Variants in SCARA5 observed in about 807,000 individuals in gnomAD.
The protein encoded by SCARA5 is scavenger receptor class A member 5, also known as scavenger receptor class A, member 5 (putative).
A neutral mutation model predicts 46.3 loss-of-function variants in SCARA5; 45 were observed. The ratio of observed to expected loss-of-function variants is 0.97; its 90% CI spans 0.76 to 1.24. SCARA5 has a LOEUF of 1.24. Among genes scored for constraint, SCARA5 ranks in the 50% most tolerant of loss-of-function variants. The probability of loss-of-function intolerance (pLI) is 0.00; values close to 1 mark genes in which losing one functional copy is unlikely to be tolerated. For synonymous variants in SCARA5, 333 were observed against 306.5 expected (o/e 1.09, Z -0.90); for missense variants, 680 against 689.0 (o/e 0.99, Z 0.15).
chr8:27,966,932 C>G (rs1351383577), intron 2 of SCARA5, among the ~76,000 whole-genome samples: 2 of 152,202 alleles, frequency 1.3e-5, no homozygotes, highest in Non-Finnish European at 2.9e-5. Flanking sequence ...GTTGCAAACT[C>G]AAACTTCTAC....
At chr8:27,889,911 A>G (rs1806955484) in intron 7 of SCARA5, among the ~76,000 whole-genome samples, 1 of 152,210 alleles carries the variant, frequency 6.6e-6, no homozygotes, top group South Asian at 2.1e-4. Context: ...GTGCACAGAT[A>G]TGCAGCACTA....
rs757727537 is a variant in SCARA5 at position 27,921,857 on chromosome 8, C to T, written c.630G>A (p.Ala210=). ...RRHAGLLDGL[A]RRVGILGEEL... ...CCTCGCCCAGGATGCCCACCCTGCG[C>T]GCCAGCCCGTCCAGCAGGCCCGCGT... Residue 210 remains alanine (A), a synonymous_variant, in exon 4 of 9, where the codon GCG becomes GCA. Transcript: ENST00000354914. The T allele has an allele frequency of 1.2e-5, 18 of 1,521,392 alleles. No individual in the cohort carries two copies. The highest frequency in any genetic ancestry group is 3.8e-5 in the South Asian group (3 of 78,878). The allele number at this position is 1,521,392 out of a possible 1,614,324, so 94.2% of individuals were successfully genotyped here.
intron 2 of SCARA5, among the ~76,000 whole-genome samples, chr8:27,970,337 A>C (rs371244724): frequency 6.6e-6 from 1 of 152,308 alleles, no homozygotes; most frequent in Admixed American, 6.5e-5. Flanking sequence ...CAGACACCAG[A>C]CCAACCTGAG....
At chr8:27,977,355 A>T (rs1017561327) in intron 2 of SCARA5, among the ~76,000 whole-genome samples, 6 of 152,082 alleles carry the variant, frequency 3.9e-5, no homozygotes, top group Non-Finnish European at 7.4e-5. Flanking sequence ...AATCCCAAAC[A>T]GCTGTGTTTA....
intron 8 of SCARA5, among the ~76,000 whole-genome samples, chr8:27,876,264 G>C (rs1167798524): frequency 6.6e-6 from 1 of 152,192 alleles, no homozygotes; most frequent in Non-Finnish European, 1.5e-5. Context: ...ATCTAGTCAA[G>C]GTCTCCAGCT....
chr8:27,956,086 C>T (rs76972447), intron 3 of SCARA5, among the ~76,000 whole-genome samples: 9,156 of 152,064 alleles, frequency 0.06, 388 homozygotes, highest in East Asian at 0.19. Flanking sequence ...GGAATTCTGG[C>T]GAAGACAGAG....
At chr8:27,933,916 T>A (rs1453745612) in intron 3 of SCARA5, among the ~76,000 whole-genome samples, 1 of 152,106 alleles carries the variant, frequency 6.6e-6, no homozygotes, top group Non-Finnish European at 1.5e-5. Context: ...ACCCAGAAAT[T>A]GAATTGTAAG....
chr8:27,959,372 C>T (rs1416917238), intron 3 of SCARA5, among the ~76,000 whole-genome samples: 1 of 152,202 alleles, frequency 6.6e-6, no homozygotes, highest in Non-Finnish European at 1.5e-5. Flanking sequence ...ACACCTGGAG[C>T]CTGTTGGGAG....
rs1452555919 is a variant in SCARA5 at position 27,871,233 on chromosome 8, G to A, written c.*701C>T. 1 of 160,046 alleles carries A rather than the reference G, an allele frequency of 6.2e-6. No homozygotes were observed. The highest frequency in any genetic ancestry group is 2.4e-5 in the African/African-American group (1 of 41,548). The allele number at this position is 160,046 out of a possible 1,614,324, so 9.9% of individuals were successfully genotyped here. A position where few individuals can be genotyped will look rare whatever the true frequency, so the allele number is the denominator to read the frequency against. ...GCTGTATCCAGACTGACATGCCCTG[G>A]ACCAATGCAGCTAAGTGGATACATG... On this transcript the variant is annotated 3_prime_UTR_variant, in exon 9 of 9. Transcript: ENST00000354914.
At position 27,950,069 on chromosome 8, in the gene SCARA5, G is replaced by A. The variant is rs1206201178; in HGVS notation, c.241+16345C>T. Among the ~76,000 whole-genome samples, 6 of 152,316 alleles carry A rather than the reference G, an allele frequency of 3.9e-5. No individual in the cohort carries two copies. In the Middle Eastern group the frequency reaches 0.01, roughly 259 times the overall value. ...CTCCTTGTGGTGAGAAAGGGGCTGA[G>A]AGCCTGGAAACGCTGGGGGAATGCC... is the stretch of plus-strand genomic sequence containing the variant. On this transcript the variant is annotated intron_variant, in intron 3 of 8. Transcript: ENST00000354914.
At chr8:27,930,953 C>G (rs925535943) in intron 3 of SCARA5, among the ~76,000 whole-genome samples, 1 of 152,112 alleles carries the variant, frequency 6.6e-6, no homozygotes, top group South Asian at 2.1e-4. Flanking sequence ...TGGGACGGAA[C>G]GCCACTGCAC....
intron 2 of SCARA5, among the ~76,000 whole-genome samples, chr8:27,980,392 C>T (rs1049753779): frequency 8.5e-5 from 13 of 152,186 alleles, no homozygotes; most frequent in African/African-American, 3.1e-4. Context: ...TCACTGCGGG[C>T]CTCCTTCAAG....
chr8:27,989,393 G>A (rs937699101), intron 1 of SCARA5, among the ~76,000 whole-genome samples: 3 of 152,096 alleles, frequency 2.0e-5, no homozygotes, highest in Non-Finnish European at 4.4e-5. Context: ...CTCCCAAAGT[G>A]CTGAGATTAC....
rs17058374 is a variant in SCARA5, at chr8:27,966,522, C to T, written c.133G>A (p.Ala45Thr). 398 of 1,612,906 alleles carry T rather than the reference C, an allele frequency of 2.5e-4. 3 individuals carry two copies. The African/African-American group carries it at 4.7e-3, about 19-fold the overall frequency. The stretch of plus-strand genomic sequence containing the variant: ...CCCAGCTGGGTACAGCAGATGCTTG[C>T]CCGCCGTTTGTGACATGGACCTGGA... ...CEDGPCHKRR[A>T]SICCTQLGSL... Residue 45 changes from alanine to threonine, a missense_variant, in exon 3 of 9, where the codon GCA (alanine) becomes ACA (threonine). Ala to Thr is a moderately conservative substitution (Grantham distance 58). Coordinates refer to ENST00000354914, the MANE Select transcript of SCARA5 (RefSeq NM_173833.6).
At chr8:27,888,463 C>G (rs970692089) in intron 7 of SCARA5, among the ~76,000 whole-genome samples, 1 of 152,200 alleles carries the variant, frequency 6.6e-6, no homozygotes, top group Non-Finnish European at 1.5e-5. Flanking sequence ...CCTTTTTAGG[C>G]CAAACCAATG....
intron 3 of SCARA5, among the ~76,000 whole-genome samples, chr8:27,932,707 C>CA (rs1807795858): frequency 1.3e-5 from 2 of 152,220 alleles, no homozygotes; most frequent in African/African-American, 2.4e-5. Context: ...CGGCTCACTG[C>CA]AACCTCCGCC....
chr8:27,969,440 T>C (rs1287415872), intron 2 of SCARA5, among the ~76,000 whole-genome samples: 1 of 152,192 alleles, frequency 6.6e-6, no homozygotes, highest in East Asian at 1.9e-4. Flanking sequence ...TATGTGATAT[T>C]CTGGGAAAAA....
chr8:27,987,281 T>C (rs1808718951), intron 2 of SCARA5, among the ~76,000 whole-genome samples: 2 of 152,218 alleles, frequency 1.3e-5, no homozygotes, highest in South Asian at 4.1e-4. Context: ...GTGAAATCTG[T>C]CCATCTGTAA....
chr8:27,989,686 C>T (rs1375827840), intron 1 of SCARA5, among the ~76,000 whole-genome samples: 3 of 152,216 alleles, frequency 2.0e-5, no homozygotes, highest in African/African-American at 7.2e-5. Context: ...GGGTGGTCCT[C>T]GGCTCTGCCA....
Sources: allele counts gnomAD v4.1 joint callset (sites outside exome capture counted in the v4.1 genomes callset), GRCh38; gene constraint gnomAD v4.1.1; transcripts MANE v1.5; gene names NCBI Gene and HGNC (gene_info 2026-07-23, HGNC 2026-07-21).